RARB: variants seen among roughly 807,000 people sequenced by gnomAD.
RARB encodes HBV-activated protein.
A neutral mutation model predicts 51.9 loss-of-function variants in RARB; 17 were observed. The ratio of observed to expected loss-of-function variants is 0.33; its 90% CI spans 0.22 to 0.49. The LOEUF (loss-of-function observed/expected upper bound fraction) is 0.49, where lower values mean the gene tolerates loss of function less well. Among genes scored for constraint, RARB ranks in the 20% least tolerant of loss-of-function variants. The probability of loss-of-function intolerance (pLI) is 0.99; values close to 1 mark genes in which losing one functional copy is unlikely to be tolerated. For synonymous variants in RARB, 215 were observed against 195.4 expected (o/e 1.10, Z -0.84); for missense variants, 369 against 550.8 (o/e 0.67, Z 3.30).
rs150617253 is a variant in RARB, at chr3:24,905,903, G to A, written c.-380+47151G>A. Among the ~76,000 whole-genome samples, 32 of 152,210 alleles carry A rather than the reference G, an allele frequency of 2.1e-4. No homozygotes were observed. The East Asian group carries it at 5.2e-3, about 25-fold the overall frequency. On this transcript the variant is annotated intron_variant, in intron 2 of 11. Transcript: ENST00000383772. Reference sequence around the variant, plus strand: ...TTACCATGATTATATTTCATCCATCGAAGTAATTAAGACTTGAGGTTTTGT... The same window carrying A: ...TTACCATGATTATATTTCATCCATCAAAGTAATTAAGACTTGAGGTTTTGT...
At chr3:24,957,875 A>G (rs1056417723) in intron 2 of RARB, among the ~76,000 whole-genome samples, 1 of 152,224 alleles carries the variant, frequency 6.6e-6, no homozygotes, top group African/African-American at 2.4e-5. Context: ...TTCCCATAAT[A>G]CGGTATTTAT....
chr3:25,496,764 T>G (rs1697054713), intron 2 of RARB, among the ~76,000 whole-genome samples: 1 of 152,204 alleles, frequency 6.6e-6, no homozygotes, highest in Non-Finnish European at 1.5e-5. Flanking sequence ...CCTGGCCAAG[T>G]GACCTCATAG....
chr3:24,959,519 G>A (rs908354297), intron 2 of RARB, among the ~76,000 whole-genome samples: 16 of 152,266 alleles, frequency 1.1e-4, no homozygotes, highest in South Asian at 2.1e-4. Context: ...GGAGTGGGGC[G>A]GGGTAGGCCA....
chr3:24,860,888 A>AT (rs1702737929), intron 2 of RARB, among the ~76,000 whole-genome samples: 1 of 152,208 alleles, frequency 6.6e-6, no homozygotes, highest in Non-Finnish European at 1.5e-5. Flanking sequence ...ATGACTTAGT[A>AT]TACAAGTAAA....
intron 5 of RARB, among the ~76,000 whole-genome samples, chr3:25,184,665 A>G (rs1700935312): frequency 6.6e-6 from 1 of 152,106 alleles, no homozygotes; most frequent in Non-Finnish European, 1.5e-5. Context: ...TCTTTGAAAA[A>G]TTATGATGTT....
intron 2 of RARB, among the ~76,000 whole-genome samples, chr3:24,900,816 T>C (rs922578527): frequency 2.0e-5 from 3 of 152,188 alleles, no homozygotes; most frequent in African/African-American, 7.2e-5. Flanking sequence ...AGTGATGTTA[T>C]AATAAAATTT....
intron 2 of RARB, among the ~76,000 whole-genome samples, chr3:24,905,581 A>G (rs941806016): frequency 3.3e-5 from 5 of 152,186 alleles, no homozygotes; most frequent in Non-Finnish European, 7.3e-5. Flanking sequence ...TCCTTTCCTG[A>G]TTTAAAAAAG....
chr3:25,111,400 T>C (rs1217396884), intron 3 of RARB, among the ~76,000 whole-genome samples: 1 of 152,166 alleles, frequency 6.6e-6, no homozygotes, highest in Non-Finnish European at 1.5e-5. Context: ...TTACCACCTG[T>C]AGCCTTATTT....
At chr3:25,521,397 AGGGTG>A (rs1160823986) in intron 3 of RARB, among the ~76,000 whole-genome samples, 1 of 152,208 alleles carries the variant, frequency 6.6e-6, no homozygotes, top group Non-Finnish European at 1.5e-5. Flanking sequence ...TCCTGTTTCA[AGGGTG>A]AATCAACATG....
At chr3:24,904,792 G>A (rs1398277174) in intron 2 of RARB, among the ~76,000 whole-genome samples, 7 of 152,206 alleles carry the variant, frequency 4.6e-5, no homozygotes, top group African/African-American at 1.7e-4. Context: ...GCTGGATAAA[G>A]GAAGTGTGGC....
intron 5 of RARB, among the ~76,000 whole-genome samples, chr3:25,232,947 G>A (rs928881489): frequency 4.6e-5 from 7 of 150,876 alleles, no homozygotes; most frequent in African/African-American, 1.7e-4. Flanking sequence ...GGTATGCTAG[G>A]TGTATTAAAT....
chr3:25,319,801 C>G (rs563955745), intron 5 of RARB, among the ~76,000 whole-genome samples: 1 of 152,170 alleles, frequency 6.6e-6, no homozygotes, highest in Non-Finnish European at 1.5e-5. Context: ...GGATTCTGTA[C>G]TGTGTGAGTT....
intron 3 of RARB, among the ~76,000 whole-genome samples, chr3:25,516,156 G>C (rs974561250): frequency 2.6e-5 from 4 of 152,098 alleles, no homozygotes; most frequent in African/African-American, 4.8e-5. Context: ...ACCCCAAATT[G>C]CATCAACCCA....
At position 25,495,499 on chromosome 3, in the gene RARB, G is replaced by A. The variant is rs185460214; in HGVS notation, c.307-5683G>A. 1.5e-4 allele frequency among the ~76,000 whole-genome samples: 23 copies of A among 152,330 alleles called. No individual in the cohort carries two copies. The East Asian group carries it at 4.4e-3, about 29-fold the overall frequency. ...GAAACAGTGGTACTTCATACCCTCA[G>A]GGAGACAGAAGTAATCTGAGTCAGA... On this transcript the variant is annotated intron_variant, in intron 2 of 7. Coordinates refer to ENST00000330688, the MANE Select transcript of RARB (RefSeq NM_000965.5).
intron 2 of RARB, among the ~76,000 whole-genome samples, chr3:25,482,140 G>T (rs975268923): frequency 6.6e-6 from 1 of 152,274 alleles, no homozygotes; most frequent in South Asian, 2.1e-4. Context: ...GGCTGGACAT[G>T]TGGGGATGCT....
rs1700636907 is a variant in RARB at position 25,569,780 on chromosome 3, G to A, written c.471G>A (p.Lys157=). ...SKESVRNDRN[K]KKKETSKQEC... Reference sequence around the variant, plus strand: ...CAGCTGTCAGGAATGACAGGAACAAGAAAAAGAAGGAGACTTCGAAGCAAG... The same window carrying A: ...CAGCTGTCAGGAATGACAGGAACAAAAAAAAGAAGGAGACTTCGAAGCAAG... The change falls in exon 4 of 8, where the codon AAG becomes AAA. Residue 157 remains lysine, a synonymous_variant. Transcript: ENST00000330688. 8 of 1,613,954 alleles carry A rather than the reference G, an allele frequency of 5.0e-6. No homozygotes were observed. Among genetic ancestry groups the A allele is most frequent in the Non-Finnish European group, 5.9e-6 (7 of 1,180,006 alleles).
chr3:25,012,778 A>G (rs1697426253), intron 2 of RARB, among the ~76,000 whole-genome samples: 2 of 152,152 alleles, frequency 1.3e-5, no homozygotes, highest in Non-Finnish European at 2.9e-5. Flanking sequence ...ATTTGTGCAC[A>G]TAAAATGAAA....
At chr3:24,980,448 T>C (rs965862249) in intron 2 of RARB, among the ~76,000 whole-genome samples, 1 of 152,200 alleles carries the variant, frequency 6.6e-6, no homozygotes, top group African/African-American at 2.4e-5. Flanking sequence ...GTCCCATATT[T>C]CTTGGAGGCT....
intron 5 of RARB, among the ~76,000 whole-genome samples, chr3:25,251,437 G>T (rs1702717394): frequency 1.3e-5 from 2 of 151,978 alleles, no homozygotes; most frequent in Admixed American, 6.6e-5. Context: ...ACTTTTTAAG[G>T]TCCTTTCAAA....
Sources: allele counts gnomAD v4.1 joint callset (sites outside exome capture counted in the v4.1 genomes callset), GRCh38; gene constraint gnomAD v4.1.1; transcripts MANE v1.5; gene names NCBI Gene and HGNC (gene_info 2026-07-23, HGNC 2026-07-21).